ZNF804A: variants seen among roughly 807,000 people sequenced by gnomAD.
ZNF804A encodes the protein zinc finger protein 804A.
ZNF804A carries 2 observed loss-of-function variants against 16.5 expected under a neutral mutation model. That is an observed-to-expected ratio of 0.12 (90% confidence interval 0.05 to 0.38). ZNF804A has a LOEUF of 0.38. ZNF804A is among the 10% of genes least tolerant of loss of function. The pLI, the probability that ZNF804A is intolerant of heterozygous loss-of-function variation, is 0.99. For synonymous variants in ZNF804A, 534 were observed against 489.6 expected (o/e 1.09, Z -1.20); for missense variants, 1,473 against 1,390.7 (o/e 1.06, Z -0.94).
At chr2:184,636,549 CTGTG>C (rs71011052) in intron 1 of ZNF804A, among the ~76,000 whole-genome samples, 5,684 of 138,440 alleles carry the variant, frequency 0.041, 233 homozygotes, top group African/African-American at 0.11. Flanking sequence ...GGCTCTAGGG[CTGTG>C]TGTGTGTGTG....
Position 184,939,271 on chromosome 2 carries a change from T to G in ZNF804A, c.*245T>G, listed in dbSNP as rs1381206524. ...ATACAATATATGCTATATATTAAAATGATGTCTTAAGAGTATGTATAATGT... is the reference window on the plus strand; with the variant it reads ...ATACAATATATGCTATATATTAAAAGGATGTCTTAAGAGTATGTATAATGT... On this transcript the variant is annotated 3_prime_UTR_variant, in exon 4 of 4. Coordinates refer to ENST00000302277, the MANE Select transcript of ZNF804A (RefSeq NM_194250.2). 4.9e-6 allele frequency: 2 copies of G among 411,458 alleles called. No homozygotes were observed. The highest frequency in any genetic ancestry group is 4.0e-5 in the East Asian group (1 of 25,182). 25.5% of individuals were successfully genotyped at this position (411,458 alleles called of 1,614,324 possible). A position where few individuals can be genotyped will look rare whatever the true frequency, so the allele number is the denominator to read the frequency against.
At chr2:184,765,197 C>T (rs564695418) in intron 1 of ZNF804A, among the ~76,000 whole-genome samples, 9 of 152,052 alleles carry the variant, frequency 5.9e-5, no homozygotes, top group Non-Finnish European at 1.0e-4. Flanking sequence ...TGTGGGTAAG[C>T]CAATTTTATC....
At chr2:184,827,393 T>C (rs1695182756) in intron 1 of ZNF804A, among the ~76,000 whole-genome samples, 1 of 147,858 alleles carries the variant, frequency 6.8e-6, no homozygotes, top group Non-Finnish European at 1.5e-5. Context: ...CACTCATCCA[T>C]TTAATTATTT....
intron 1 of ZNF804A, among the ~76,000 whole-genome samples, chr2:184,684,824 C>G (rs1023507259): frequency 3.9e-5 from 6 of 152,100 alleles, no homozygotes; most frequent in African/African-American, 1.4e-4. Context: ...TTTTCTGTTC[C>G]TGAATTAATT....
intron 1 of ZNF804A, among the ~76,000 whole-genome samples, chr2:184,641,306 A>G (rs1040455689): frequency 6.6e-6 from 1 of 152,182 alleles, no homozygotes; most frequent in Non-Finnish European, 1.5e-5. Flanking sequence ...TGATATATGG[A>G]GCAGCAGGCA....
At chr2:184,727,667 C>T (rs1693435967) in intron 1 of ZNF804A, among the ~76,000 whole-genome samples, 1 of 151,188 alleles carries the variant, frequency 6.6e-6, no homozygotes, top group Non-Finnish European at 1.5e-5. Context: ...TTTTATATAC[C>T]AGGAAGTTAA....
In ZNF804A at chr2:184,604,118, A is replaced by G. The variant is rs535012608; in HGVS notation, c.111+5048A>G. Reference sequence around the variant, plus strand: ...CTTGACTTCTCACTTCTGCACCAATAGTTTCAGGTTATGGATGACTGCAAT... The same window carrying G: ...CTTGACTTCTCACTTCTGCACCAATGGTTTCAGGTTATGGATGACTGCAAT... On this transcript the variant is annotated intron_variant, in intron 1 of 3. Transcript: ENST00000302277. Among the ~76,000 whole-genome samples the G allele has an allele frequency of 8.0e-4, 94 of 117,566 alleles. 2 individuals carry two copies. The South Asian group carries it at 0.029, about 36-fold the overall frequency. 77.1% of individuals were successfully genotyped at this position (117,566 alleles called of 152,430 possible).
chr2:184,859,719 T>C (rs1455234044), intron 1 of ZNF804A, among the ~76,000 whole-genome samples: 1 of 152,236 alleles, frequency 6.6e-6, no homozygotes, highest in African/African-American at 2.4e-5. Context: ...TAGTTTATTA[T>C]TCCAGGTTCT....
intron 1 of ZNF804A, among the ~76,000 whole-genome samples, chr2:184,745,405 T>C (rs1187772816): frequency 6.6e-6 from 1 of 151,734 alleles, no homozygotes; most frequent in East Asian, 1.9e-4. Context: ...GTATTAAAGA[T>C]CAATTAGGAG....
chr2:184,767,966 C>A (rs1318868206), intron 1 of ZNF804A, among the ~76,000 whole-genome samples: 1 of 152,002 alleles, frequency 6.6e-6, no homozygotes, highest in Non-Finnish European at 1.5e-5. Context: ...TAAAAAGTTA[C>A]TTTCTATTTA....
chr2:184,792,936 C>T (rs1348248309), intron 1 of ZNF804A, among the ~76,000 whole-genome samples: 2 of 152,060 alleles, frequency 1.3e-5, no homozygotes, highest in Non-Finnish European at 2.9e-5. Context: ...TTCCCACCAC[C>T]CCCTAGCAGT....
chr2:184,719,185 C>T (rs1175510473), intron 1 of ZNF804A, among the ~76,000 whole-genome samples: 1 of 152,118 alleles, frequency 6.6e-6, no homozygotes. Context: ...CTGAGCTGTA[C>T]CTTGGCCCGT....
intron 1 of ZNF804A, among the ~76,000 whole-genome samples, chr2:184,780,547 A>C (rs558447672): frequency 1.7e-4 from 26 of 151,752 alleles, no homozygotes; most frequent in African/African-American, 6.3e-4. Context: ...TCACAGATGG[A>C]GGGAGGTACA....
intron 1 of ZNF804A, among the ~76,000 whole-genome samples, chr2:184,793,729 C>T (rs1694588508): frequency 6.6e-6 from 1 of 152,142 alleles, no homozygotes; most frequent in Admixed American, 6.6e-5. Context: ...CCTTCCCACC[C>T]TTTCTCTCTG....
intron 1 of ZNF804A, among the ~76,000 whole-genome samples, chr2:184,863,902 T>C (rs1695835802): frequency 6.6e-6 from 1 of 152,196 alleles, no homozygotes; most frequent in Non-Finnish European, 1.5e-5. Context: ...CTTTTTAAGC[T>C]AAGAGTTTTT....
intron 1 of ZNF804A, among the ~76,000 whole-genome samples, chr2:184,629,030 A>G (rs1384762334): frequency 6.6e-6 from 1 of 151,950 alleles, no homozygotes; most frequent in Non-Finnish European, 1.5e-5. Flanking sequence ...CTTTTATTGA[A>G]TATTTTAGTT....
At chr2:184,918,486 G>A (rs1005045985) in intron 2 of ZNF804A, among the ~76,000 whole-genome samples, 1 of 152,062 alleles carries the variant, frequency 6.6e-6, no homozygotes, top group African/African-American at 2.4e-5. Context: ...TGGCTGTAAG[G>A]AAAACATCAT....
At chr2:184,924,585 T>G (rs1057406261) in intron 2 of ZNF804A, among the ~76,000 whole-genome samples, 7 of 151,708 alleles carry the variant, frequency 4.6e-5, no homozygotes, top group Non-Finnish European at 1.0e-4. Context: ...TTATTTTTTT[T>G]TCTTCTACTA....
intron 1 of ZNF804A, among the ~76,000 whole-genome samples, chr2:184,688,054 G>A (rs1187613898): frequency 6.6e-6 from 1 of 152,162 alleles, no homozygotes. Context: ...GGGAGGCAGA[G>A]GTTGCAGTGA....
Sources: gnomAD v4.1 joint callset for allele counts (sites outside exome capture counted in the v4.1 genomes callset) on GRCh38, gnomAD v4.1.1 for gene constraint, MANE v1.5 for transcripts, NCBI Gene and HGNC (gene_info 2026-07-23, HGNC 2026-07-21) for gene names.